CNIH4: variants seen among roughly 807,000 people sequenced by gnomAD.
CNIH4 encodes the protein protein cornichon homolog 4.
A neutral mutation model predicts 21.5 loss-of-function variants in CNIH4; 9 were observed. That is an observed-to-expected ratio of 0.42 (90% CI 0.25 to 0.73). The LOEUF is 0.73. Among genes scored for constraint, CNIH4 ranks in the 30% least tolerant of loss-of-function variants. The pLI is 0.27. For missense variants in CNIH4, 159 were observed against 170.0 expected, an observed-to-expected ratio of 0.94 and a Z score of 0.36; for synonymous variants, 67 against 59.1, an observed-to-expected ratio of 1.13 and a Z score of -0.61.
intron 4 of CNIH4, among the ~76,000 whole-genome samples, chr1:224,374,708 T>C (rs35031726): frequency 0.29 from 43,523 of 152,098 alleles, 7,792 homozygotes; most frequent in African/African-American, 0.5. Flanking sequence ...GTTTCTTAAC[T>C]TGTCTGAGCC....
Position 224,376,775 on chromosome 1 carries a change from C to G in CNIH4, c.*953C>G, listed in dbSNP as rs916814356. ...GGACATAGCAATATACAACCAAACT[C>G]TGTTCCTTGGAGTTATATTGTAAAC... On this transcript the variant is annotated 3_prime_UTR_variant, in exon 5 of 5. Coordinates refer to ENST00000465271, the MANE Select transcript of CNIH4 (RefSeq NM_014184.4). 11 of 981,020 alleles carry G rather than the reference C, an allele frequency of 1.1e-5. No homozygotes were observed. In the South Asian group the frequency reaches 5.2e-4, roughly 46 times the overall value. The allele number at this position is 981,020 out of a possible 1,614,324, so 60.8% of individuals were successfully genotyped here.
At chr1:224,369,796 C>G (rs1672571792) in intron 3 of CNIH4, among the ~76,000 whole-genome samples, 1 of 151,664 alleles carries the variant, frequency 6.6e-6, no homozygotes, top group African/African-American at 2.4e-5. Context: ...CCTGCCTCAG[C>G]CTCCTGAGTA....
Position 224,376,840 on chromosome 1 carries a change from T to G in CNIH4, c.*1018T>G. 1 of 985,450 alleles carries G rather than the reference T, an allele frequency of 1.0e-6. No homozygotes were observed. The highest frequency in any genetic ancestry group is 1.2e-6 in the Non-Finnish European group (1 of 829,922). 61.0% of individuals were successfully genotyped at this position (985,450 alleles called of 1,614,324 possible). A position where few individuals can be genotyped will look rare whatever the true frequency, so the allele number is the denominator to read the frequency against. On this transcript the variant is annotated 3_prime_UTR_variant, in exon 5 of 5. Transcript: ENST00000465271. ...GAGCAGTTCACCTCCTTAGCTCTGT[T>G]TGCCAGCTCTTACAGGGTAAAATAA...
rs1425202191 is a variant in CNIH4 at position 224,379,033 on chromosome 1, T to C, written c.*3211T>C. 1 of 1,549,664 alleles carries C rather than the reference T, an allele frequency of 6.5e-7. No individual in the cohort carries two copies. The highest frequency in any genetic ancestry group is 1.2e-5 in the South Asian group (1 of 84,060). On this transcript the variant is annotated 3_prime_UTR_variant, in exon 5 of 5. Coordinates refer to ENST00000465271, the MANE Select transcript of CNIH4 (RefSeq NM_014184.4). Reference sequence around the variant, plus strand: ...GCTCCTATGTGCATCTTAGTACGTATCATTTTCCCTTGCCTTTTTCCTTCT... The same window carrying C: ...GCTCCTATGTGCATCTTAGTACGTACCATTTTCCCTTGCCTTTTTCCTTCT...
intron 1 of CNIH4, chr1:224,357,262 G>A (rs1224667281): frequency 8.1e-6 from 3 of 368,886 alleles, no homozygotes; most frequent in Non-Finnish European, 1.4e-5. Flanking sequence ...GGGCCTCTCC[G>A]GGCGCGCCCC....
chr1:224,359,836 G>A (rs1672222771), intron 1 of CNIH4, among the ~76,000 whole-genome samples: 1 of 152,052 alleles, frequency 6.6e-6, no homozygotes. Flanking sequence ...CTAATAGCTA[G>A]CATTACAGGT....
intron 3 of CNIH4, among the ~76,000 whole-genome samples, chr1:224,367,340 GGCA>G: frequency 6.6e-6 from 1 of 152,186 alleles, no homozygotes; most frequent in East Asian, 1.9e-4. Context: ...AAAAGATAAT[GGCA>G]GCAGTAGAGG....
Position 224,363,694 on chromosome 1 carries a change from T to C in CNIH4, c.139-2185T>C, listed in dbSNP as rs559967254. Among the ~76,000 whole-genome samples, 6 of 152,310 alleles carry C rather than the reference T, an allele frequency of 3.9e-5. 1 individual carries two copies. In the East Asian group the frequency reaches 7.7e-4, roughly 20 times the overall value. ...CTGTTTCCATCCAGTTCTTTTCCTT[T>C]CTTTTTTTCCCCCCATCTGTCTTTG... On this transcript the variant is annotated intron_variant, in intron 2 of 4. Coordinates refer to ENST00000465271, the MANE Select transcript of CNIH4 (RefSeq NM_014184.4).
chr1:224,363,237 T>A (rs962861832), intron 2 of CNIH4, among the ~76,000 whole-genome samples: 2 of 152,010 alleles, frequency 1.3e-5, no homozygotes, highest in Non-Finnish European at 2.9e-5. Context: ...AGAGATGAAG[T>A]CTCGCCACGT....
At chr1:224,361,974 G>T (rs1672300780) in intron 2 of CNIH4, among the ~76,000 whole-genome samples, 1 of 152,124 alleles carries the variant, frequency 6.6e-6, no homozygotes, top group Non-Finnish European at 1.5e-5. Flanking sequence ...TTGATTCATA[G>T]TTGTCAGAGT....
chr1:224,365,587 A>T (rs934904362), intron 2 of CNIH4, among the ~76,000 whole-genome samples: 7 of 152,330 alleles, frequency 4.6e-5, no homozygotes, highest in African/African-American at 1.7e-4. Context: ...ACTAAACAAT[A>T]CTCTTTTTTT....
chr1:224,363,264 C>T lies in CNIH4; in HGVS notation c.139-2615C>T, dbSNP rs188166068. On this transcript the variant is annotated intron_variant, in intron 2 of 4. Transcript: ENST00000465271. ...TCGCCACGTTGGCCAGGCTGGTCTC[C>T]GACTCCTGACATCAGGTGATCTGCT... 9.3e-4 allele frequency among the ~76,000 whole-genome samples: 141 copies of T among 151,776 alleles called. 1 individual carries two copies. The highest frequency in any genetic ancestry group is 3.0e-3 in the African/African-American group (125 of 41,388).
rs1672858265 is a variant in CNIH4, at chr1:224,379,362, A to C, written c.*3540A>C. ...TGTTCCTGGAGGGCAGAATATGCCCATTCATATTTGTATCTTCTTCCTTCT... is the reference window on the plus strand; with the variant it reads ...TGTTCCTGGAGGGCAGAATATGCCCCTTCATATTTGTATCTTCTTCCTTCT... On this transcript the variant is annotated 3_prime_UTR_variant, in exon 5 of 5. Coordinates refer to ENST00000465271, the MANE Select transcript of CNIH4 (RefSeq NM_014184.4). 10 of 471,722 alleles carry C rather than the reference A, an allele frequency of 2.1e-5. No individual in the cohort carries two copies. In the South Asian group the frequency reaches 2.5e-4, roughly 12 times the overall value. The allele number at this position is 471,722 out of a possible 1,614,324, so 29.2% of individuals were successfully genotyped here. A position where few individuals can be genotyped will look rare whatever the true frequency, so the allele number is the denominator to read the frequency against.
At chr1:224,373,721 G>A (rs965703721) in intron 4 of CNIH4, among the ~76,000 whole-genome samples, 19 of 152,030 alleles carry the variant, frequency 1.2e-4, no homozygotes, top group African/African-American at 4.3e-4. Flanking sequence ...CCAGCTACTC[G>A]GGAGGCTGAG....
chr1:224,366,657 G>A (rs1009990569), intron 3 of CNIH4, among the ~76,000 whole-genome samples: 1 of 150,334 alleles, frequency 6.7e-6, no homozygotes, highest in East Asian at 2.1e-4. Flanking sequence ...CTGGAAGTAC[G>A]TTTAAAAGCT....
At chr1:224,372,247 A>G (rs571156740) in intron 4 of CNIH4, among the ~76,000 whole-genome samples, 1 of 152,352 alleles carries the variant, frequency 6.6e-6, no homozygotes, top group South Asian at 2.1e-4. Context: ...TGGAAGCCTT[A>G]TATAGTCCTG....
chr1:224,375,990 T>C lies in CNIH4; in HGVS notation c.*168T>C. On this transcript the variant is annotated 3_prime_UTR_variant, in exon 5 of 5. Transcript: ENST00000465271. ...TACCATATAAAGTATTTAAAAAACA[T>C]GAATTGAGTTTCTGTAGATTTCTAG... 2 of 1,290,504 alleles carry C rather than the reference T, an allele frequency of 1.5e-6. No individual in the cohort carries two copies. Among genetic ancestry groups the C allele is most frequent in the Non-Finnish European group, 9.8e-7 (1 of 1,017,388 alleles). 79.9% of individuals were successfully genotyped at this position (1,290,504 alleles called of 1,614,324 possible).
chr1:224,365,457 G>A (rs185189038), intron 2 of CNIH4, among the ~76,000 whole-genome samples: 216 of 152,154 alleles, frequency 1.4e-3, no homozygotes, highest in Non-Finnish European at 2.2e-3. Context: ...TGGTTTCCTC[G>A]GGATTCTGGA....
At position 224,376,378 on chromosome 1, in the gene CNIH4, C is replaced by T. The variant is rs1204002274; in HGVS notation, c.*556C>T. The stretch of plus-strand genomic sequence containing the variant: ...ATCTCAAAATATATATATTTCTTTG[C>T]ACAATTTGTGAAACCTTATAAGCCA... On this transcript the variant is annotated 3_prime_UTR_variant, in exon 5 of 5. Coordinates refer to ENST00000465271, the MANE Select transcript of CNIH4 (RefSeq NM_014184.4). The T allele has an allele frequency of 2.0e-6, 2 of 985,160 alleles. No individual in the cohort carries two copies. Among genetic ancestry groups the T allele is most frequent in the Non-Finnish European group, 1.2e-6 (1 of 829,848 alleles). 61.0% of individuals were successfully genotyped at this position (985,160 alleles called of 1,614,324 possible). A position where few individuals can be genotyped will look rare whatever the true frequency, so the allele number is the denominator to read the frequency against.
Sources: gnomAD v4.1 joint callset for allele counts (sites outside exome capture counted in the v4.1 genomes callset) on GRCh38, gnomAD v4.1.1 for gene constraint, MANE v1.5 for transcripts, NCBI Gene and HGNC (gene_info 2026-07-23, HGNC 2026-07-21) for gene names.